The following TMEM165 variants were observed in gnomAD, a reference collection of about 807,000 sequenced individuals.
TMEM165 encodes putative divalent cation/proton antiporter TMEM165.
A neutral mutation model predicts 30.0 loss-of-function variants in TMEM165; 19 were observed. The observed-to-expected ratio is 0.63, with a 90% CI of 0.44 to 0.93. The LOEUF (loss-of-function observed/expected upper bound fraction) is 0.93. Among genes scored for constraint, TMEM165 ranks in the 40% least tolerant of loss-of-function variants. The pLI is 0.00. For missense variants in TMEM165, 340 were observed against 417.0 expected (o/e 0.82, Z 1.61); for synonymous variants, 168 against 162.9 (o/e 1.03, Z -0.24).
At chr4:55,434,433 A>G (rs1226309177) in intron 3 of TMEM165, 7 of 152,636 alleles carry the variant, frequency 4.6e-5, no homozygotes, top group African/African-American at 7.2e-5. Flanking sequence ...ATTTACGCAA[A>G]TATTTCCAAC....
intron 1 of TMEM165, among the ~76,000 whole-genome samples, chr4:55,407,762 A>G (rs1721329181): frequency 6.6e-6 from 1 of 152,268 alleles, no homozygotes; most frequent in Non-Finnish European, 1.5e-5. Context: ...GTGAAGTAAC[A>G]TGAAATTAGT....
At chr4:55,439,239 T>C (rs1165755499) in intron 3 of TMEM165, among the ~76,000 whole-genome samples, 4 of 152,044 alleles carry the variant, frequency 2.6e-5, no homozygotes, top group African/African-American at 9.7e-5. Flanking sequence ...GATACACAAA[T>C]GGCTAATAAG....
chr4:55,442,603 T>C, intron 3 of TMEM165: 1 of 1,613,082 alleles, frequency 6.2e-7, no homozygotes, highest in Non-Finnish European at 8.5e-7. Context: ...AGATGTTTGC[T>C]GACTGTGCCC....
chr4:55,444,993 G>A (rs974327242), intron 3 of TMEM165, among the ~76,000 whole-genome samples: 1 of 152,116 alleles, frequency 6.6e-6, no homozygotes, highest in African/African-American at 2.4e-5. Context: ...TTTGCCAGCA[G>A]GCACAAAGTT....
At chr4:55,432,663 A>G (rs1302512416) in intron 3 of TMEM165, 1 of 151,710 alleles carries the variant, frequency 6.6e-6, no homozygotes, top group Non-Finnish European at 1.5e-5. Flanking sequence ...CAAATTTAAG[A>G]GAATCAGGAG....
downstream of TMEM165, chr4:55,430,479 C>G (rs559774300): frequency 6.6e-6 from 1 of 152,222 alleles, no homozygotes; most frequent in Non-Finnish European, 1.5e-5. Flanking sequence ...GTGAACTGTT[C>G]AACACTGTTT....
At chr4:55,424,367 T>G in intron 4 of TMEM165, 171 bp from the exon 5 acceptor site, 1 of 572,590 alleles carries the variant, frequency 1.7e-6, no homozygotes, top group Non-Finnish European at 3.1e-6. Flanking sequence ...CTGGTACATA[T>G]TCCTTCAAGC....
At chr4:55,438,193 A>G (rs1295608926) in intron 3 of TMEM165, 1 of 1,458,214 alleles carries the variant, frequency 6.9e-7, no homozygotes, top group Non-Finnish European at 9.5e-7. Flanking sequence ...TGAATTTTTC[A>G]CATCACTCAC....
At chr4:55,417,593 G>T (rs1217262050) in intron 3 of TMEM165, 5 of 580,902 alleles carry the variant, frequency 8.6e-6, no homozygotes, top group Non-Finnish European at 1.2e-5. Flanking sequence ...TGTTTGGTTT[G>T]TTCAGCTGAG....
At chr4:55,409,976 C>T (rs1415785898) in intron 1 of TMEM165, among the ~76,000 whole-genome samples, 2 of 152,158 alleles carry the variant, frequency 1.3e-5, no homozygotes, top group African/African-American at 4.8e-5. Context: ...TGGTCCCTCA[C>T]GGGATTGTTT....
Position 55,396,165 on chromosome 4 carries a change from G to C in TMEM165, c.-25G>C. 1 of 1,345,930 alleles carries C rather than the reference G, an allele frequency of 7.4e-7. No homozygotes were observed. Among genetic ancestry groups the C allele is most frequent in the Middle Eastern group, 2.4e-4 (1 of 4,138 alleles). 83.4% of individuals were successfully genotyped at this position (1,345,930 alleles called of 1,614,324 possible). On this transcript the variant is annotated 5_prime_UTR_variant, in exon 1 of 6. Transcript: ENST00000381334. Reference sequence around the variant, plus strand: ...GCCGGCACTTCCTCTTGCGGCGCCCGTGCGCGGCCGGCCCGGCAGGCGGGA... The same window carrying C: ...GCCGGCACTTCCTCTTGCGGCGCCCCTGCGCGGCCGGCCCGGCAGGCGGGA...
chr4:55,397,158 A>G (rs562678810), intron 1 of TMEM165: 1 of 152,196 alleles, frequency 6.6e-6, no homozygotes, highest in African/African-American at 2.4e-5. Context: ...TGCTCCCTGA[A>G]TCCCGGCCAG....
chr4:55,431,098 G>T (rs1029897372), downstream of TMEM165: 7 of 152,116 alleles, frequency 4.6e-5, no homozygotes, highest in African/African-American at 7.2e-5. Flanking sequence ...ATGAGTAATT[G>T]CAATAAAGTG....
chr4:55,440,763 C>T (rs887713611), intron 3 of TMEM165, among the ~76,000 whole-genome samples: 1 of 152,158 alleles, frequency 6.6e-6, no homozygotes, highest in Non-Finnish European at 1.5e-5. Flanking sequence ...TTTCTTTAAT[C>T]TGCTTTCGTG....
intron 1 of TMEM165, among the ~76,000 whole-genome samples, chr4:55,398,566 T>C (rs1720823332): frequency 1.3e-5 from 2 of 152,254 alleles, no homozygotes. Flanking sequence ...TTCTTTGATC[T>C]TGAGCCTAGC....
rs1205247309 is a variant in TMEM165, at chr4:55,417,239, G to T, written c.601G>T (p.Asp201Tyr). ...EEVQAELKKK[D>Y]EEFQRTKLLN... is the part of the protein sequence containing the mutation. ...AGTTCAAGCTGAATTAAAGAAGAAA[G>T]ATGAAGAAGTAAGCCATGGCACTGT... Residue 201 changes from aspartate (D) to tyrosine (Y), a missense_variant, in exon 3 of 6, where the codon GAT becomes TAT. This residue lies in a region of TMEM165 where 220 missense variants were observed against 307.6 expected (regional missense o/e 0.72). Coordinates refer to ENST00000381334, the MANE Select transcript of TMEM165 (RefSeq NM_018475.5). 3 of 1,612,268 alleles carry T rather than the reference G, an allele frequency of 1.9e-6. No homozygotes were observed. Among genetic ancestry groups the T allele is most frequent in the Non-Finnish European group, 1.7e-6 (2 of 1,179,442 alleles).
chr4:55,424,587 C>T lies in TMEM165; in HGVS notation c.842C>T (p.Thr281Met), dbSNP rs1578245757. Residue 281 changes from threonine (T) to methionine (M), a missense_variant, in exon 5 of 6, where the codon ACG becomes ATG. Transcript: ENST00000381334. ...GGAACTGTGGGGCACTGCCTGTGCA[C>T]GGGATTGGCAGTAATTGGAGGAAGA... ...VGGTVGHCLC[T>M]GLAVIGGRMI... 5.6e-6 allele frequency: 9 copies of T among 1,613,688 alleles called. No homozygotes were observed. The highest frequency in any genetic ancestry group is 2.2e-5 in the East Asian group (1 of 44,876).
intron 3 of TMEM165, among the ~76,000 whole-genome samples, chr4:55,445,890 C>T (rs1019390922): frequency 3.9e-5 from 6 of 151,956 alleles, no homozygotes; most frequent in African/African-American, 1.4e-4. Context: ...GCCACCACAC[C>T]CAGCTTTATT....
rs1359068637 is a variant in TMEM165, at chr4:55,418,196, T to C, written c.792+211T>C. 25 of 446,918 alleles carry C rather than the reference T, an allele frequency of 5.6e-5. No individual in the cohort carries two copies. In the East Asian group the frequency reaches 9.1e-4, roughly 16 times the overall value. The allele number at this position is 446,918 out of a possible 1,614,324, so 27.7% of individuals were successfully genotyped here. On this transcript the variant is annotated intron_variant, in intron 4 of 5. Coordinates refer to ENST00000381334, the MANE Select transcript of TMEM165 (RefSeq NM_018475.5). ...TTCTTGTAACCAAGCTCAGTTGGGC[T>C]CTTTTTACTCATCCTTTTCCCTTTG...
Sources: gnomAD v4.1 joint callset for allele counts (sites outside exome capture counted in the v4.1 genomes callset) on GRCh38, gnomAD v4.1.1 for gene constraint, gnomAD v4.1.1 regional missense constraint, MANE v1.5 for transcripts, NCBI Gene and HGNC (gene_info 2026-07-23, HGNC 2026-07-21) for gene names.